The following ADAM17 variants were observed in gnomAD, a reference collection of about 807,000 sequenced individuals.
ADAM17 encodes the protein disintegrin and metalloproteinase domain-containing protein 17.
ADAM17 carries 39 observed loss-of-function variants against 96.7 expected under a neutral mutation model. The ratio of observed to expected loss-of-function variants is 0.40; its 90% CI spans 0.31 to 0.53. ADAM17 has a LOEUF of 0.53. Among genes scored for constraint, ADAM17 ranks in the 20% least tolerant of loss-of-function variants. The pLI, the probability that ADAM17 is intolerant of heterozygous loss-of-function variation, is 0.44. For synonymous variants in ADAM17, 344 were observed against 359.2 expected (o/e 0.96, Z 0.48); for missense variants, 777 against 1,013.2 (o/e 0.77, Z 3.17).
intron 1 of ADAM17, among the ~76,000 whole-genome samples, chr2:9,550,771 G>A (rs904480467): frequency 7.3e-5 from 11 of 151,526 alleles, no homozygotes; most frequent in African/African-American, 2.4e-4. Context: ...AAAAGAATAG[G>A]TAACTGGCTG....
At chr2:9,505,471 A>C in intron 11 of ADAM17, 106 bp from the exon 12 acceptor site, 3 of 1,176,594 alleles carry the variant, frequency 2.5e-6, no homozygotes, top group Non-Finnish European at 3.7e-6. Flanking sequence ...TAAAACCACC[A>C]TCAGAGCCAC....
chr2:9,536,727 C>T lies in ADAM17; in HGVS notation c.332G>A (p.Trp111Ter). The stretch of plus-strand genomic sequence containing the variant: ...CACGTGTCCAGTGAAGAAGTCCTGC[C>T]ATTTTACAGTGTACTCGCTTTCGTT... ...GKNESEYTVK[W>*]QDFFTGHVVG... Residue 111 changes from tryptophan to a stop codon, truncating the protein, a stop_gained, in exon 3 of 19, where the codon TGG becomes TAG. Transcript: ENST00000310823. LOFTEE classifies it high-confidence loss of function. 1.2e-6 allele frequency: 2 copies of T among 1,614,026 alleles called. No homozygotes were observed. Among genetic ancestry groups the T allele is most frequent in the African/African-American group, 1.3e-5 (1 of 75,014 alleles).
At chr2:9,496,977 G>A in intron 14 of ADAM17, 137 bp downstream of exon 14, 1 of 1,321,892 alleles carries the variant, frequency 7.6e-7, no homozygotes, top group Non-Finnish European at 1.0e-6. Flanking sequence ...ACACCACCCT[G>A]CCCTTCCCCA....
rs746502094 is a variant in ADAM17, at chr2:9,505,309, C to T, written c.1401G>A (p.Gln467=). ...TATTGCTGCGTTCTTGAAAACACTC[C>T]TGGGCCTTACTTTCAATGGTCTTAT... The part of the protein sequence containing the change: ...SIYKTIESKA[Q]ECFQERSNKV... Residue 467 remains glutamine, a synonymous_variant, in exon 12 of 19, where the codon CAG becomes CAA. Coordinates refer to ENST00000310823, the MANE Select transcript of ADAM17 (RefSeq NM_003183.6). The T allele has an allele frequency of 1.9e-5, 30 of 1,614,064 alleles. No homozygotes were observed. The highest frequency in any genetic ancestry group is 2.5e-5 in the Non-Finnish European group (29 of 1,180,052).
At chr2:9,507,729 CCTTTTTTTGAGATAAAGTCTCA>C (rs1422092520) in intron 11 of ADAM17, among the ~76,000 whole-genome samples, 1 of 146,200 alleles carries the variant, frequency 6.8e-6, no homozygotes, top group Non-Finnish European at 1.5e-5. Context: ...TTTTCTTTTT[CCTTTTTTTGAGATAAAGTCTCA>C]CTCTGTCATC....
chr2:9,509,038 G>A (rs1407419301), intron 11 of ADAM17, among the ~76,000 whole-genome samples: 1 of 151,996 alleles, frequency 6.6e-6, no homozygotes, highest in Non-Finnish European at 1.5e-5. Context: ...AAGAACAGGA[G>A]GCAGAAATTT....
At chr2:9,507,401 C>T (rs934224802) in intron 11 of ADAM17, among the ~76,000 whole-genome samples, 1 of 152,036 alleles carries the variant, frequency 6.6e-6, no homozygotes, top group African/African-American at 2.4e-5. Flanking sequence ...ACTCAGGAGG[C>T]TAAGGCAGGA....
At chr2:9,493,490 T>C (rs543133536) in intron 16 of ADAM17, among the ~76,000 whole-genome samples, 115 of 152,340 alleles carry the variant, frequency 7.5e-4, no homozygotes, top group Admixed American at 2.7e-3. Flanking sequence ...ATCACATGGA[T>C]ATTTTTGGGT....
At chr2:9,509,926 A>G in intron 11 of ADAM17, 53 bp downstream of exon 11, 1 of 1,601,128 alleles carries the variant, frequency 6.2e-7, no homozygotes, top group South Asian at 1.1e-5. Flanking sequence ...CATTATGATC[A>G]TTATACACAG....
At chr2:9,551,064 C>A (rs1456189875) in intron 1 of ADAM17, among the ~76,000 whole-genome samples, 1 of 149,032 alleles carries the variant, frequency 6.7e-6, no homozygotes, top group African/African-American at 2.5e-5. Flanking sequence ...GACAGTGAGA[C>A]TCTGTCTCAA....
chr2:9,524,908 G>A (rs1487477480), intron 6 of ADAM17, among the ~76,000 whole-genome samples: 2 of 152,100 alleles, frequency 1.3e-5, no homozygotes, highest in Non-Finnish European at 2.9e-5. Context: ...GGGTTGATGA[G>A]GTTTGTTCTA....
In ADAM17 at chr2:9,491,102, C is replaced by G. The variant is rs1662103870; in HGVS notation, c.2132G>C (p.Ser711Thr). Residue 711 changes from serine (S) to threonine (T), a missense_variant and splice_region_variant, in exon 18 of 19, where the codon AGT (serine) becomes ACT (threonine). Physicochemically the swap from Ser to Thr is moderately conservative, Grantham distance 58. Coordinates refer to ENST00000310823, the MANE Select transcript of ADAM17 (RefSeq NM_003183.6). Reference protein sequence around the residue: ...QYESLSLFHPSNVEMLSSMDS... With the variant: ...QYESLSLFHPTNVEMLSSMDS... Reference sequence around the variant, plus strand: ...GTTTCTTTCATATGGTATACTTACACTGGGGTGAAACAGAGACAGAGATTC... The same window carrying G: ...GTTTCTTTCATATGGTATACTTACAGTGGGGTGAAACAGAGACAGAGATTC... 1.9e-6 allele frequency: 3 copies of G among 1,612,892 alleles called. No homozygotes were observed. The highest frequency in any genetic ancestry group is 2.5e-6 in the Non-Finnish European group (3 of 1,179,008).
intron 14 of ADAM17, among the ~76,000 whole-genome samples, chr2:9,496,156 T>TAATATTTATA (rs1662581597): frequency 6.6e-6 from 1 of 151,994 alleles, no homozygotes; most frequent in South Asian, 2.1e-4. Flanking sequence ...TGAAATGGAG[T>TAATATTTATA]CTCGCTCTGT....
intron 16 of ADAM17, 152 bp downstream of exon 16, chr2:9,493,595 T>C (rs556663855): frequency 2.0e-4 from 131 of 651,236 alleles, no homozygotes; most frequent in Non-Finnish European, 2.9e-4. Flanking sequence ...GTTCATTTTA[T>C]TCTAGCCAAC....
At chr2:9,492,315 T>C (rs1662220065) in intron 17 of ADAM17, among the ~76,000 whole-genome samples, 2 of 152,230 alleles carry the variant, frequency 1.3e-5, no homozygotes, top group Admixed American at 1.3e-4. Flanking sequence ...CTCAAATTTA[T>C]AAAGGACCAG....
At chr2:9,549,122 C>A (rs1381818204) in intron 1 of ADAM17, among the ~76,000 whole-genome samples, 2 of 152,290 alleles carry the variant, frequency 1.3e-5, no homozygotes, top group Non-Finnish European at 2.9e-5. Flanking sequence ...CCTGTAATCC[C>A]AGCACTTTGG....
intron 1 of ADAM17, among the ~76,000 whole-genome samples, chr2:9,543,758 A>T (rs565512282): frequency 1.6e-4 from 24 of 152,366 alleles, no homozygotes; most frequent in South Asian, 8.3e-4. Flanking sequence ...TGGTTACCAG[A>T]GGCTGAGAAG....
In ADAM17 at chr2:9,501,069, C is replaced by A. The variant is rs552576519; in HGVS notation, c.1648+1104G>T. On this transcript the variant is annotated intron_variant, in intron 13 of 18. Coordinates refer to ENST00000310823, the MANE Select transcript of ADAM17 (RefSeq NM_003183.6). The stretch of plus-strand genomic sequence containing the variant: ...AATGGCAACAGATAGGAGACGTATG[C>A]CCAAATGGATGATTACATAAGAACT... 4.0e-3 allele frequency among the ~76,000 whole-genome samples: 606 copies of A among 151,700 alleles called. 5 individuals are homozygous for A. Among genetic ancestry groups the A allele is most frequent in the African/African-American group, 0.013 (555 of 41,334 alleles).
At chr2:9,543,524 T>C (rs1273043522) in intron 1 of ADAM17, among the ~76,000 whole-genome samples, 1 of 152,234 alleles carries the variant, frequency 6.6e-6, no homozygotes, top group Non-Finnish European at 1.5e-5. Flanking sequence ...ATATTTGCAC[T>C]GATGCCTTCC....
Sources: gnomAD v4.1 joint callset for allele counts (sites outside exome capture counted in the v4.1 genomes callset) on GRCh38, gnomAD v4.1.1 for gene constraint, MANE v1.5 for transcripts, NCBI Gene and HGNC (gene_info 2026-07-23, HGNC 2026-07-21) for gene names.